Variants in ABCA7 observed in about 807,000 individuals in gnomAD.
ABCA7 encodes the protein ATP binding cassette subfamily A member 7, also known as phospholipid-transporting ATPase ABCA7.
ABCA7 carries 261 observed loss-of-function variants against 227.6 expected under a neutral mutation model. The ratio of observed to expected loss-of-function variants is 1.15; its 90% confidence interval spans 1.04 to 1.27. ABCA7 has a LOEUF of 1.27. Ranked by LOEUF, ABCA7 falls within the 50% of genes most tolerant of loss-of-function variation. The pLI, the probability that ABCA7 is intolerant of heterozygous loss-of-function variation, is 0.00. For missense variants in ABCA7, 3,331 were observed against 2,924.5 expected, an observed-to-expected ratio of 1.14 and a Z score of -3.21; for synonymous variants, 1,488 against 1,279.7, an observed-to-expected ratio of 1.16 and a Z score of -3.47.
In ABCA7 at chr19:1,041,944, G is replaced by A. The variant is rs755349521; in HGVS notation, c.274G>A (p.Gly92Arg). 4.4e-6 allele frequency: 7 copies of A among 1,589,978 alleles called. No individual in the cohort carries two copies. Among genetic ancestry groups the A allele is most frequent in the South Asian group, 2.2e-5 (2 of 89,550 alleles). The change falls in exon 4 of 47, where the codon GGG becomes AGG. Residue 92 changes from glycine to arginine, a missense_variant. Gly to Arg is a moderately radical substitution (Grantham distance 125, BLOSUM62 -2). Transcript: ENST00000263094. ...FPQLTPGEEP[G>R]RLSNFNDSLV... ...GCAGCTGACACCGGGCGAGGAGCCC[G>A]GGCGCCTGAGCAACTTCAACGACTC...
chr19:1,056,609 T>C lies in ABCA7; in HGVS notation c.4586+110T>C. 1.5e-6 allele frequency: 2 copies of C among 1,345,594 alleles called. No individual in the cohort carries two copies. The highest frequency in any genetic ancestry group is 2.2e-5 in the Admixed American group (1 of 44,992). The allele number at this position is 1,345,594 out of a possible 1,614,324, so 83.4% of individuals were successfully genotyped here. A position where few individuals can be genotyped will look rare whatever the true frequency, so the allele number is the denominator to read the frequency against. On this transcript the variant is annotated intron_variant, in intron 33 of 46. Transcript: ENST00000263094. This position sits in a 1 kb window ranked among gnomAD's most constrained non-coding sequence, Gnocchi z 4.3. ...TTTGAACCCTGACACACTCTTGCTTTATAAATGGGGGATAGAAACTGTTCC... is the reference window on the plus strand; with the variant it reads ...TTTGAACCCTGACACACTCTTGCTTCATAAATGGGGGATAGAAACTGTTCC...
At chr19:1,057,212 C>T (rs1486061883) in intron 34 of ABCA7, 102 bp from the exon 35 acceptor site, 30 of 1,550,374 alleles carry the variant, frequency 1.9e-5, no homozygotes, top group Non-Finnish European at 2.4e-5. Context: ...AGACTTTGTG[C>T]CTTCCTACTC....
chr19:1,047,730 A>T (rs2040853445), intron 16 of ABCA7, 76 bp downstream of exon 16: 21 of 1,208,910 alleles, frequency 1.7e-5, no homozygotes, highest in African/African-American at 3.4e-5. Flanking sequence ...TGTGGCCTCC[A>T]GGCCGTTTGG....
At chr19:1,057,809 G>T in intron 35 of ABCA7, 106 bp from the exon 36 acceptor site, 1 of 1,377,202 alleles carries the variant, frequency 7.3e-7, no homozygotes, top group South Asian at 1.4e-5. Flanking sequence ...TGCTTTGGGT[G>T]AAAATGTCAA....
At chr19:1,060,084 A>T (rs1320720804) in intron 40 of ABCA7, among the ~76,000 whole-genome samples, 2 of 152,142 alleles carry the variant, frequency 1.3e-5, no homozygotes, top group African/African-American at 4.8e-5. Flanking sequence ...GTACCAGTTC[A>T]CATTCAAGCA....
At position 1,054,435 on chromosome 19, in the gene ABCA7, G is replaced by A. The variant is rs1028739071; in HGVS notation, c.3726+94G>A. 23 of 1,550,488 alleles carry A rather than the reference G, an allele frequency of 1.5e-5. No homozygotes were observed. Among genetic ancestry groups the A allele is most frequent in the Middle Eastern group, 2.3e-4 (1 of 4,340 alleles). ...TGGCCTAATCCAAACCCTTACCCCCGTGTGTATTCCCAACCCAAAGCACAT... is the reference window on the plus strand; with the variant it reads ...TGGCCTAATCCAAACCCTTACCCCCATGTGTATTCCCAACCCAAAGCACAT... On this transcript the variant is annotated intron_variant, in intron 27 of 46. Transcript: ENST00000263094. The surrounding 1 kb of genome is among the most constrained non-coding windows in gnomAD (Gnocchi z 4.8).
chr19:1,045,201 T>A lies in ABCA7; in HGVS notation c.1415T>A (p.Val472Glu). Reference sequence around the variant, plus strand: ...ATCAAAATCCGCATGGACATTGACGTGGTCACGAGGACCAATAAGATCAGG... The same window carrying A: ...ATCAAAATCCGCATGGACATTGACGAGGTCACGAGGACCAATAAGATCAGG... Reference protein sequence around the residue: ...VRIKIRMDIDVVTRTNKIRDR... With the variant: ...VRIKIRMDIDEVTRTNKIRDR... The change falls in exon 12 of 47, where the codon GTG becomes GAG. Residue 472 changes from valine to glutamate, a missense_variant. By Grantham distance (121) the Val-to-Glu change is moderately radical. Transcript: ENST00000263094. 6.3e-7 allele frequency: 1 copy of A among 1,590,018 alleles called. No homozygotes were observed. The highest frequency in any genetic ancestry group is 8.6e-7 in the Non-Finnish European group (1 of 1,165,150).
At position 1,045,189 on chromosome 19, in the gene ABCA7, T is replaced by G; in HGVS notation, c.1403T>G (p.Met468Arg). 3 of 1,602,212 alleles carry G rather than the reference T, an allele frequency of 1.9e-6. No individual in the cohort carries two copies. Among genetic ancestry groups the G allele is most frequent in the Non-Finnish European group, 2.6e-6 (3 of 1,172,802 alleles). Reference protein sequence around the residue: ...GPGHVRIKIRMDIDVVTRTNK... With the variant: ...GPGHVRIKIRRDIDVVTRTNK... ...GGCCACGTGCGCATCAAAATCCGCA[T>G]GGACATTGACGTGGTCACGAGGACC... The change falls in exon 12 of 47, where the codon ATG (methionine) becomes AGG (arginine). Residue 468 changes from methionine to arginine, a missense_variant. Transcript: ENST00000263094.
chr19:1,046,148 G>A, intron 12 of ABCA7, 82 bp from the exon 13 acceptor site: 2 of 1,491,224 alleles, frequency 1.3e-6, no homozygotes, highest in South Asian at 1.2e-5. Flanking sequence ...GCAAGACCCT[G>A]TCTAAGAAAA....
At position 1,047,170 on chromosome 19, in the gene ABCA7, TC is replaced by T; in HGVS notation, c.1863del (p.Tyr622ThrfsTer19). On this transcript the variant is annotated frameshift_variant, in exon 15 of 47. Transcript: ENST00000263094. LOFTEE classifies it high-confidence loss of function. ...LVLVLKLGDI[L>X]PYSHPGVVFL... is the part of the protein sequence containing the mutation. ...TGCCTCTCACAGCTGGGAGACATCC[TC>T]CCCTACAGCCACCCGGGCGTGGTCT... The T allele has an allele frequency of 6.2e-7, 1 of 1,603,366 alleles. No homozygotes were observed.
rs755207544 is a variant in ABCA7 at position 1,051,173 on chromosome 19, C to T, written c.2703C>T (p.His901=). ...VLFDMLTVDE[H]VWFYGRLKGL... ...GCCGCAGGCTGACCGTGGACGAGCA[C>T]GTCTGGTTCTATGGGCGGCTGAAGG... Residue 901 remains histidine (H), a synonymous_variant, in exon 20 of 47, where the codon CAC becomes CAT. Coordinates refer to ENST00000263094, the MANE Select transcript of ABCA7 (RefSeq NM_019112.4). 5.2e-5 allele frequency: 83 copies of T among 1,611,092 alleles called. No individual in the cohort carries two copies. Among genetic ancestry groups the T allele is most frequent in the Non-Finnish European group, 6.9e-5 (81 of 1,179,906 alleles).
At chr19:1,041,660 C>G (rs2040050550) in intron 3 of ABCA7, 57 bp downstream of exon 3, 1 of 1,586,198 alleles carries the variant, frequency 6.3e-7, no homozygotes, top group Non-Finnish European at 8.6e-7. Context: ...AGATGGCTCA[C>G]CCGTGCACAG....
intron 45 of ABCA7, 117 bp downstream of exon 45, chr19:1,064,370 G>T (rs2042894476): frequency 2.1e-5 from 25 of 1,180,868 alleles, no homozygotes; most frequent in Non-Finnish European, 2.7e-5. Flanking sequence ...TGGAGAGATG[G>T]CCAAGGCTTT....
At chr19:1,062,816 T>G (rs1282034741) in intron 42 of ABCA7, among the ~76,000 whole-genome samples, 1 of 130,654 alleles carries the variant, frequency 7.7e-6, no homozygotes, top group Non-Finnish European at 1.6e-5. Context: ...CCATGTTGGC[T>G]CCACCCACAC....
chr19:1,048,828 A>G, intron 16 of ABCA7, 67 bp from the exon 17 acceptor site: 1 of 915,416 alleles, frequency 1.1e-6, no homozygotes, highest in Non-Finnish European at 1.6e-6. Context: ...AAAAAACAAA[A>G]CCCCAAAAAA....
intron 10 of ABCA7, 136 bp downstream of exon 10, chr19:1,043,977 G>A (rs1225769708): frequency 1.1e-5 from 8 of 727,220 alleles, no homozygotes; most frequent in East Asian, 1.0e-4. Flanking sequence ...TCGCTCTGTC[G>A]CCCAAGCTGG....
chr19:1,042,547 C>G (rs1341442991), intron 6 of ABCA7, 150 bp downstream of exon 6: 2 of 1,124,080 alleles, frequency 1.8e-6, no homozygotes, highest in Non-Finnish European at 1.3e-6. Context: ...CGTCTGGGCC[C>G]CCAGACAGAG....
In ABCA7 at chr19:1,041,972, T is replaced by G. The variant is rs201665195; in HGVS notation, c.302T>G (p.Leu101Arg). The G allele has an allele frequency of 1.9e-3, 2,947 of 1,583,254 alleles. 4 individuals carry two copies. The highest frequency in any genetic ancestry group is 2.3e-3 in the Non-Finnish European group (2,740 of 1,170,522). Reference protein sequence around the residue: ...PGRLSNFNDSLVSRLLADART... With the variant: ...PGRLSNFNDSRVSRLLADART... ...CGCCTGAGCAACTTCAACGACTCCC[T>G]GTGAGCCAGAGGCAGTGGGTGCGGC... Residue 101 changes from leucine to arginine, a missense_variant and splice_region_variant, in exon 4 of 47, where the codon CTG becomes CGG. Physicochemically the swap from Leu to Arg is moderately radical, Grantham distance 102 (BLOSUM62 -2). Coordinates refer to ENST00000263094, the MANE Select transcript of ABCA7 (RefSeq NM_019112.4).
At chr19:1,062,137 C>T in intron 41 of ABCA7, 35 bp from the exon 42 acceptor site, 1 of 1,607,488 alleles carries the variant, frequency 6.2e-7, no homozygotes. Context: ...CAGGGACTAG[C>T]CAGCTCTCTG....
Sources: gnomAD v4.1 joint callset for allele counts (sites outside exome capture counted in the v4.1 genomes callset) on GRCh38, gnomAD v4.1.1 for gene constraint, Gnocchi (gnomAD v3.1) non-coding constraint, MANE v1.5 for transcripts, NCBI Gene and HGNC (gene_info 2026-07-23, HGNC 2026-07-21) for gene names.